Variants in KHNYN observed in about 807,000 individuals in gnomAD.
KHNYN encodes KH and NYN domain containing, also known as protein KHNYN.
KHNYN carries 42 observed loss-of-function variants against 62.7 expected under a neutral mutation model. The ratio of observed to expected loss-of-function variants is 0.67; its 90% CI spans 0.52 to 0.87. KHNYN has a LOEUF of 0.87. Ranked by LOEUF, KHNYN falls within the 40% of genes least tolerant of loss-of-function variation. KHNYN has a pLI of 0.00. For synonymous variants in KHNYN, 347 were observed against 345.6 expected (o/e 1.00, Z -0.04); for missense variants, 829 against 874.1 (o/e 0.95, Z 0.65).
chr14:24,438,330 CAATATT>C lies in KHNYN; in HGVS notation c.*1049_*1054del, dbSNP rs2043239904. 1.3e-5 allele frequency: 2 copies of C among 152,706 alleles called. No individual in the cohort carries two copies. The highest frequency in any genetic ancestry group is 1.9e-4 in the East Asian group (1 of 5,186). The allele number at this position is 152,706 out of a possible 1,614,324, so 9.5% of individuals were successfully genotyped here. A position where few individuals can be genotyped will look rare whatever the true frequency, so the allele number is the denominator to read the frequency against. On this transcript the variant is annotated 3_prime_UTR_variant, in exon 8 of 8. Coordinates refer to ENST00000553935, the MANE Select transcript of KHNYN (RefSeq NM_015299.3). ...TCGATGAAGCCATGCTCTGCAATGA[CAATATT>C]AATGTGATCCGACCCTAACATTTTC... is the stretch of plus-strand genomic sequence containing the variant.
In KHNYN at chr14:24,441,217, C is replaced by T; in HGVS notation, c.*3932C>T. 1 of 509,242 alleles carries T rather than the reference C, an allele frequency of 2.0e-6. No individual in the cohort carries two copies. Among genetic ancestry groups the T allele is most frequent in the Non-Finnish European group, 3.5e-6 (1 of 283,282 alleles). The allele number at this position is 509,242 out of a possible 1,614,324, so 31.5% of individuals were successfully genotyped here. ...ATCAGCTCCCTCATTTATTAACTCTCTGACTTGATGCAAGTTACTTAACCT... is the reference window on the plus strand; with the variant it reads ...ATCAGCTCCCTCATTTATTAACTCTTTGACTTGATGCAAGTTACTTAACCT... On this transcript the variant is annotated 3_prime_UTR_variant, in exon 8 of 8. Coordinates refer to ENST00000553935, the MANE Select transcript of KHNYN (RefSeq NM_015299.3).
Position 24,432,485 on chromosome 14 carries a change from C to G in KHNYN, c.1224C>G (p.Asn408Lys), listed in dbSNP as rs757112900. ...PQWKRGARGG[N>K]LVTGTQRFKE... ...GGAAACGAGGCGCCCGAGGGGGCAA[C>G]TTGGTGACTGGCACACAGCGTTTCA... The change falls in exon 3 of 8, where the codon AAC (asparagine) becomes AAG (lysine). Residue 408 changes from asparagine (N) to lysine (K), a missense_variant. Coordinates refer to ENST00000553935, the MANE Select transcript of KHNYN (RefSeq NM_015299.3). This position sits in a 1 kb window ranked among gnomAD's most constrained non-coding sequence, Gnocchi z 5.6. 6.2e-7 allele frequency: 1 copy of G among 1,613,790 alleles called. No individual in the cohort carries two copies. Among genetic ancestry groups the G allele is most frequent in the South Asian group, 1.1e-5 (1 of 91,086 alleles).
At position 24,440,285 on chromosome 14, in the gene KHNYN, TCAG is replaced by T. The variant is rs2043285653; in HGVS notation, c.*3003_*3005del. On this transcript the variant is annotated 3_prime_UTR_variant, in exon 8 of 8. Coordinates refer to ENST00000553935, the MANE Select transcript of KHNYN (RefSeq NM_015299.3). ...GGCAGCACCCAAGGTCTGGGCAAAC[TCAG>T]CATTAGTGGCGGAGGATGGAGCCAC... is the stretch of plus-strand genomic sequence containing the variant. The T allele has an allele frequency of 6.2e-7, 1 of 1,614,004 alleles. No individual in the cohort carries two copies. The highest frequency in any genetic ancestry group is 8.5e-7 in the Non-Finnish European group (1 of 1,179,878).
chr14:24,435,669 G>C (rs2043194073), intron 5 of KHNYN: 1 of 209,362 alleles, frequency 4.8e-6, no homozygotes, highest in South Asian at 8.2e-5. Context: ...TTACTAACGA[G>C]GCACAAAGTG....
At position 24,435,099 on chromosome 14, in the gene KHNYN, C is replaced by T. The variant is rs557470009; in HGVS notation, c.1578-973C>T. Among the ~76,000 whole-genome samples the T allele has an allele frequency of 6.2e-4, 93 of 150,456 alleles. 1 individual carries two copies. Among genetic ancestry groups the T allele is most frequent in the South Asian group, 1.5e-3 (7 of 4,826 alleles). On this transcript the variant is annotated intron_variant, in intron 5 of 7. Coordinates refer to ENST00000553935, the MANE Select transcript of KHNYN (RefSeq NM_015299.3). ...TGAGTCCTACCCTGTCTTGTGGAAT[C>T]AGAATTACTGAATGGAGCCCAGGCA...
upstream of KHNYN, chr14:24,426,740 G>A (rs980155269): frequency 6.6e-6 from 1 of 152,210 alleles, no homozygotes; most frequent in African/African-American, 2.4e-5. Context: ...GAGAGAGGGA[G>A]GGTTTAGCAT....
the KHNYN span, among the ~76,000 whole-genome samples, chr14:24,424,114 T>A: frequency 3.9e-5 from 6 of 152,246 alleles, no homozygotes; most frequent in Non-Finnish European, 7.3e-5. Flanking sequence ...CATACCATTA[T>A]AAGGATTATA....
intron 1 of KHNYN, 185 bp downstream of exon 1, chr14:24,430,304 T>A: frequency 1.5e-6 from 1 of 665,968 alleles, no homozygotes; most frequent in Non-Finnish European, 1.9e-6. Flanking sequence ...GGGGTGGGAG[T>A]GGCTTGAACC....
chr14:24,428,883 C>T (rs1325570625), upstream of KHNYN: 32 of 1,600,100 alleles, frequency 2.0e-5, no homozygotes, highest in Non-Finnish European at 2.6e-5. Flanking sequence ...CCCCCGGGCC[C>T]CCCTGCAGCA....
At position 24,430,934 on chromosome 14, in the gene KHNYN, G is replaced by A. The variant is rs1267873764; in HGVS notation, c.201+3G>A. On this transcript the variant is annotated splice_donor_region_variant and intron_variant, in intron 2 of 7. Coordinates refer to ENST00000553935, the MANE Select transcript of KHNYN (RefSeq NM_015299.3). The stretch of plus-strand genomic sequence containing the variant: ...AGGAAAACGCCAGCAGAGCCAAGGT[G>A]AACGCCTTCTCTCCCCCATCCCTCC... The A allele has an allele frequency of 6.2e-7, 1 of 1,609,804 alleles. No homozygotes were observed.
At position 24,441,034 on chromosome 14, in the gene KHNYN, A is replaced by T; in HGVS notation, c.*3749A>T. The T allele has an allele frequency of 8.4e-7, 1 of 1,191,710 alleles. No homozygotes were observed. The highest frequency in any genetic ancestry group is 1.2e-6 in the Non-Finnish European group (1 of 812,908). The allele number at this position is 1,191,710 out of a possible 1,614,324, so 73.8% of individuals were successfully genotyped here. ...CTTCTCTGGCCCTTAGGATCTCCCC[A>T]TTTGGAGACAGAGCCATTTGGATAT... On this transcript the variant is annotated 3_prime_UTR_variant, in exon 8 of 8. Coordinates refer to ENST00000553935, the MANE Select transcript of KHNYN (RefSeq NM_015299.3).
At chr14:24,428,768 A>G (rs760690740), upstream of KHNYN, 9 of 1,594,282 alleles carry the variant, frequency 5.6e-6, no homozygotes, top group Non-Finnish European at 7.7e-6. Flanking sequence ...GTCGAAGTAG[A>G]TGGCCCCACT....
chr14:24,428,425 C>A (rs2043046915), upstream of KHNYN: 1 of 1,612,960 alleles, frequency 6.2e-7, no homozygotes, highest in Non-Finnish European at 8.5e-7. Context: ...GCAGAGCCTG[C>A]TGAGTGGGGC....
upstream of KHNYN, chr14:24,427,822 T>G: frequency 6.2e-7 from 1 of 1,613,916 alleles, no homozygotes; most frequent in Non-Finnish European, 8.5e-7. The surrounding 1 kb of genome is among the most constrained non-coding windows in gnomAD (Gnocchi z 4.4). Flanking sequence ...CAGAGAAACT[T>G]GAGTATTTCC....
At chr14:24,431,387 G>A in intron 2 of KHNYN, 76 bp from the exon 3 acceptor site, 2 of 1,190,612 alleles carry the variant, frequency 1.7e-6, no homozygotes, top group Admixed American at 2.3e-5. Flanking sequence ...TGGAGCTCAG[G>A]AGCGAGCAAG....
rs962347200 is a variant in KHNYN, at chr14:24,430,068, G to A, written c.-69G>A. On this transcript the variant is annotated 5_prime_UTR_variant, in exon 1 of 8. Transcript: ENST00000553935. The stretch of plus-strand genomic sequence containing the variant: ...CTGGGCTGGGGGCGCGGGCAAAGCG[G>A]GGGCCTGGCGGGCGCTGAGAGGACC... The A allele has an allele frequency of 1.0e-6, 1 of 985,376 alleles. No homozygotes were observed. Among genetic ancestry groups the A allele is most frequent in the Non-Finnish European group, 1.2e-6 (1 of 829,942 alleles). 61.0% of individuals were successfully genotyped at this position (985,376 alleles called of 1,614,324 possible). A position where few individuals can be genotyped will look rare whatever the true frequency, so the allele number is the denominator to read the frequency against.
rs527812676 is a variant in KHNYN, at chr14:24,432,100, C to A, written c.839C>A (p.Ala280Glu). ...TGGAAGGAGTTGCCTGGGGAAGAGG[C>A]GTGGGAGAGAGAAGTGGCCCTCAGG... ...WGWKELPGEE[A>E]WEREVALRPQ... Residue 280 changes from alanine (A) to glutamate (E), a missense_variant, in exon 3 of 8, where the codon GCG (alanine) becomes GAG (glutamate). Physicochemically the swap from Ala to Glu is moderately radical, Grantham distance 107. Coordinates refer to ENST00000553935, the MANE Select transcript of KHNYN (RefSeq NM_015299.3). This position sits in a 1 kb window ranked among gnomAD's most constrained non-coding sequence, Gnocchi z 5.6. The A allele has an allele frequency of 3.2e-6, 5 of 1,556,916 alleles. No homozygotes were observed. In the African/African-American group the frequency reaches 5.4e-5, roughly 17 times the overall value.
rs1449447176 is a variant in KHNYN, at chr14:24,431,920, A to G, written c.659A>G (p.Gln220Arg). The change falls in exon 3 of 8, where the codon CAG (glutamine) becomes CGG (arginine). Residue 220 changes from glutamine to arginine, a missense_variant. Gln to Arg is a conservative substitution (Grantham distance 43). This residue lies in a region of KHNYN where 559 missense variants were observed against 527.0 expected (regional missense o/e 1.06). Transcript: ENST00000553935. ...EGRSSALLGA[Q>R]CQGVRAPPSD... ...CGGAGCTCAGCCTTGCTGGGTGCTC[A>G]GTGCCAAGGAGTGAGAGCTCCCCCT... is the stretch of plus-strand genomic sequence containing the variant. 6.2e-7 allele frequency: 1 copy of G among 1,613,974 alleles called. No homozygotes were observed.
At chr14:24,429,126 A>G, upstream of KHNYN, 1 of 1,430,070 alleles carries the variant, frequency 7.0e-7, no homozygotes, top group Non-Finnish European at 9.3e-7. Flanking sequence ...CTCTCCCTGG[A>G]TTCTCACCGC....
Sources: gnomAD v4.1 joint callset for allele counts (sites outside exome capture counted in the v4.1 genomes callset) on GRCh38, gnomAD v4.1.1 for gene constraint, gnomAD v4.1.1 regional missense constraint, Gnocchi (gnomAD v3.1) non-coding constraint, MANE v1.5 for transcripts, NCBI Gene and HGNC (gene_info 2026-07-23, HGNC 2026-07-21) for gene names.